Variants in CEP128 observed in about 807,000 individuals in gnomAD.
CEP128 encodes the protein centrosomal protein 128, also known as centrosomal protein 128kDa.
CEP128 carries 132 observed loss-of-function variants against 156.7 expected under a neutral mutation model. That is an observed-to-expected ratio of 0.84 (90% confidence interval 0.73 to 0.97). The LOEUF (loss-of-function observed/expected upper bound fraction) is 0.97, where lower values mean the gene tolerates loss of function less well. Among genes scored for constraint, CEP128 ranks in the 50% least tolerant of loss-of-function variants. CEP128 has a pLI of 0.00. For missense variants in CEP128, 1,252 were observed against 1,281.9 expected, an observed-to-expected ratio of 0.98 and a Z score of 0.36; for synonymous variants, 469 against 448.9, an observed-to-expected ratio of 1.04 and a Z score of -0.57.
At chr14:80,689,847 T>A (rs1328510283) in intron 19 of CEP128, among the ~76,000 whole-genome samples, 1 of 150,364 alleles carries the variant, frequency 6.7e-6, no homozygotes, top group African/African-American at 2.5e-5. Flanking sequence ...AAAACATATA[T>A]AATTATACAG....
At chr14:80,928,874 T>A (rs1046952586) in intron 2 of CEP128, among the ~76,000 whole-genome samples, 1 of 151,748 alleles carries the variant, frequency 6.6e-6, no homozygotes, top group Non-Finnish European at 1.5e-5. Context: ...AAAACAAAAA[T>A]AAATGGGACC....
exon 15 of CEP128, chr14:80,477,955 C>T (rs1420948091): frequency 1.3e-5 from 2 of 152,042 alleles, no homozygotes; most frequent in African/African-American, 4.8e-5. Context: ...ATGAAATCCA[C>T]CCCCAACTTC....
intron 9 of CEP128, among the ~76,000 whole-genome samples, chr14:80,849,151 G>A (rs1216032758): frequency 1.3e-5 from 2 of 152,020 alleles, no homozygotes; most frequent in Non-Finnish European, 2.9e-5. Flanking sequence ...CAGGAGAAAA[G>A]GAGAGGCAAA....
chr14:80,619,766 T>C (rs1893398615), intron 19 of CEP128, among the ~76,000 whole-genome samples: 3 of 144,370 alleles, frequency 2.1e-5, no homozygotes, highest in African/African-American at 5.1e-5. Context: ...CTTCTGGAAA[T>C]AAAAAATAAT....
intron 8 of CEP128, among the ~76,000 whole-genome samples, chr14:80,863,504 G>A (rs1020757113): frequency 3.9e-5 from 6 of 152,286 alleles, no homozygotes; most frequent in Middle Eastern, 3.4e-3. Context: ...GACTCTAAAC[G>A]TGAAAGAATT....
intron 13 of CEP128, among the ~76,000 whole-genome samples, chr14:80,814,172 C>A (rs961459356): frequency 1.3e-5 from 2 of 152,086 alleles, no homozygotes; most frequent in Non-Finnish European, 2.9e-5. Flanking sequence ...ATTCATTTTA[C>A]CTGGGGTTCT....
intron 8 of CEP128, among the ~76,000 whole-genome samples, chr14:80,877,718 A>G (rs1888349859): frequency 6.6e-6 from 1 of 152,122 alleles, no homozygotes; most frequent in Non-Finnish European, 1.5e-5. Flanking sequence ...CTACCCACCT[A>G]GGGACAAGCT....
chr14:80,648,986 G>C (rs78115645), intron 19 of CEP128, among the ~76,000 whole-genome samples: 1,667 of 152,206 alleles, frequency 0.011, 22 homozygotes, highest in Non-Finnish European at 0.014. Context: ...AAAAGAATTT[G>C]AGATCAAAGG....
intron 24 of CEP128, among the ~76,000 whole-genome samples, chr14:80,500,745 G>C (rs557858905): frequency 6.6e-6 from 1 of 152,058 alleles, no homozygotes; most frequent in South Asian, 2.1e-4. Context: ...GCTATTTTCT[G>C]ATTTATATTT....
chr14:80,627,230 T>C (rs553266133), intron 19 of CEP128, among the ~76,000 whole-genome samples: 1 of 152,320 alleles, frequency 6.6e-6, no homozygotes, highest in South Asian at 2.1e-4. Context: ...CAGTGCTGTA[T>C]TTCCAGTTAA....
In CEP128 at chr14:80,895,579, A is replaced by G. The variant is rs570504916; in HGVS notation, c.645+139T>C. 218 of 498,560 alleles carry G rather than the reference A, an allele frequency of 4.4e-4. 1 individual carries two copies. The highest frequency in any genetic ancestry group is 4.0e-3 in the African/African-American group (205 of 50,822). 30.9% of individuals were successfully genotyped at this position (498,560 alleles called of 1,614,324 possible). On this transcript the variant is annotated intron_variant, in intron 8 of 24. Coordinates refer to ENST00000555265, the MANE Select transcript of CEP128 (RefSeq NM_152446.5). ...CCAAAATTCATGAACATTTTATAAG[A>G]GCTACAAGAACACACTTTTAGACAA...
intron 19 of CEP128, among the ~76,000 whole-genome samples, chr14:80,706,461 T>C (rs1199564502): frequency 6.6e-6 from 1 of 152,064 alleles, no homozygotes; most frequent in African/African-American, 2.4e-5. Context: ...GTGTAAGTTC[T>C]ATACAGTGTA....
rs545213541 is a variant in CEP128 at position 80,549,213 on chromosome 14, A to G, written c.2880+10066T>C. 2.0e-5 allele frequency among the ~76,000 whole-genome samples: 3 copies of G among 152,312 alleles called. No individual in the cohort carries two copies. In the East Asian group the frequency reaches 5.8e-4, roughly 29 times the overall value. ...GATATTTCCGTTTGCCCTCGATGCG[A>G]ATATACAGAAGGTAGACTAACATTA... is the stretch of plus-strand genomic sequence containing the variant. On this transcript the variant is annotated intron_variant, in intron 21 of 24. Coordinates refer to ENST00000555265, the MANE Select transcript of CEP128 (RefSeq NM_152446.5).
intron 22 of CEP128, among the ~76,000 whole-genome samples, chr14:80,528,394 T>C (rs1013266554): frequency 1.3e-5 from 2 of 152,228 alleles, no homozygotes; most frequent in African/African-American, 4.8e-5. Context: ...GTTCAAGCAA[T>C]TCTCCTGCCC....
chr14:80,937,293 C>T (rs563976402), intron 2 of CEP128, among the ~76,000 whole-genome samples: 1 of 152,300 alleles, frequency 6.6e-6, no homozygotes, highest in East Asian at 1.9e-4. Flanking sequence ...TGCACTTCAG[C>T]CTGGGTGACA....
At chr14:80,479,549 A>C (rs377164543) in intron 14 of CEP128, among the ~76,000 whole-genome samples, 16 of 152,312 alleles carry the variant, frequency 1.1e-4, no homozygotes, top group African/African-American at 3.8e-4. Flanking sequence ...CACGGGAAAG[A>C]TAGGCCCCCA....
At chr14:80,597,915 T>A (rs1595066463) in intron 19 of CEP128, among the ~76,000 whole-genome samples, 1 of 43,674 alleles carries the variant, frequency 2.3e-5, no homozygotes. Context: ...AAAAATAAAC[T>A]CAGAAAAAGG....
intron 21 of CEP128, among the ~76,000 whole-genome samples, chr14:80,544,549 T>C (rs979361777): frequency 6.6e-6 from 1 of 152,228 alleles, no homozygotes; most frequent in Non-Finnish European, 1.5e-5. Flanking sequence ...CATGACCTCA[T>C]GACCTAATAA....
At chr14:80,587,020 A>G (rs1372197952) in intron 19 of CEP128, among the ~76,000 whole-genome samples, 1 of 152,002 alleles carries the variant, frequency 6.6e-6, no homozygotes, top group Non-Finnish European at 1.5e-5. Flanking sequence ...GTATATAAGA[A>G]GCATTATATA....
Sources: gnomAD v4.1 joint callset for allele counts (sites outside exome capture counted in the v4.1 genomes callset) on GRCh38, gnomAD v4.1.1 for gene constraint, MANE v1.5 for transcripts, NCBI Gene and HGNC (gene_info 2026-07-23, HGNC 2026-07-21) for gene names.